PMEPA1: variants seen among roughly 807,000 people sequenced by gnomAD.
PMEPA1 encodes the protein protein TMEPAI.
In PMEPA1, 11 loss-of-function variants were observed where a neutral mutation model predicts 23.0. That is an observed-to-expected ratio of 0.48 (90% CI 0.30 to 0.79). The LOEUF (loss-of-function observed/expected upper bound fraction) is 0.79, where lower values mean the gene tolerates loss of function less well. Among genes scored for constraint, PMEPA1 ranks in the 30% least tolerant of loss-of-function variants. The probability of loss-of-function intolerance (pLI) is 0.06; values close to 1 mark genes in which losing one functional copy is unlikely to be tolerated. For missense variants in PMEPA1, 377 were observed against 390.9 expected, an observed-to-expected ratio of 0.96 and a Z score of 0.30; for synonymous variants, 204 against 166.4, an observed-to-expected ratio of 1.23 and a Z score of -1.74.
Position 57,704,646 on chromosome 20 carries a change from C to A in PMEPA1, c.109+4828G>T, listed in dbSNP as rs1441296912. 6.6e-6 allele frequency among the ~76,000 whole-genome samples: 1 copy of A among 152,238 alleles called. No homozygotes were observed. The highest frequency in any genetic ancestry group is 2.1e-4 in the South Asian group (1 of 4,832). ...GCTAACACCTGAAGAGAGAAGGCCA[C>A]ACCGATCCTCAGGTTTGGACCCTGC... is the stretch of plus-strand genomic sequence containing the variant. On this transcript the variant is annotated intron_variant, in intron 1 of 3. Transcript: ENST00000341744. This position sits in a 1 kb window ranked among gnomAD's most constrained non-coding sequence, Gnocchi z 4.6.
rs1466095672 is a variant in PMEPA1, at chr20:57,660,465, AAACACCCCAACACTCCTACACACAC to A, written c.110-793_110-769del. Reference sequence around the variant, plus strand: ...CGTACCCCTAACACTCCTACACACAAAACACCCCAACACTCCTACACACACAACACCCCAACACTCCTACACACAC... The same window carrying A: ...CGTACCCCTAACACTCCTACACACAAAACACCCCAACACTCCTACACACAC... On this transcript the variant is annotated intron_variant, in intron 1 of 3. Transcript: ENST00000341744. Among the ~76,000 whole-genome samples the A allele has an allele frequency of 2.5e-4, 31 of 123,704 alleles. No homozygotes were observed. The East Asian group carries it at 5.2e-3, about 21-fold the overall frequency. 81.2% of individuals were successfully genotyped at this position (123,704 alleles called of 152,430 possible). A position where few individuals can be genotyped will look rare whatever the true frequency, so the allele number is the denominator to read the frequency against.
At chr20:57,667,741 G>C (rs1316504416) in intron 1 of PMEPA1, among the ~76,000 whole-genome samples, 2 of 152,200 alleles carry the variant, frequency 1.3e-5, no homozygotes, top group African/African-American at 4.8e-5. Flanking sequence ...GCCTGGCGGG[G>C]CCTCATTGTC....
rs2071263731 is a variant in PMEPA1, at chr20:57,652,578, AGGCGGG to A, written c.333_338del (p.Pro112_Pro113del). 6.7e-7 allele frequency: 1 copy of A among 1,502,848 alleles called. No homozygotes were observed. The highest frequency in any genetic ancestry group is 8.9e-7 in the Non-Finnish European group (1 of 1,126,320). The allele number at this position is 1,502,848 out of a possible 1,614,324, so 93.1% of individuals were successfully genotyped here. Reference sequence around the variant, plus strand: ...GCACGGCCAGGCGGTCGGTGGGCCGAGGCGGGGCGTAGACCTGCGGCTGGAGGAAGC... The same window carrying A: ...GCACGGCCAGGCGGTCGGTGGGCCGAGCGTAGACCTGCGGCTGGAGGAAGC... On this transcript the variant is annotated inframe_deletion, in exon 4 of 4. Transcript: ENST00000341744. The surrounding 1 kb of genome is among the most constrained non-coding windows in gnomAD (Gnocchi z 6.1).
At chr20:57,671,783 A>G (rs2071571763) in intron 1 of PMEPA1, among the ~76,000 whole-genome samples, 1 of 152,206 alleles carries the variant, frequency 6.6e-6, no homozygotes, top group Non-Finnish European at 1.5e-5. Flanking sequence ...CAGGGTGTTC[A>G]GCAGCAACCT....
chr20:57,701,034 A>AAAAAG (rs1380698079), intron 1 of PMEPA1, among the ~76,000 whole-genome samples: 11 of 152,098 alleles, frequency 7.2e-5, no homozygotes, highest in Admixed American at 6.5e-4. Flanking sequence ...CATTTCAAAA[A>AAAAAG]AAAAGAAAAG....
intron 1 of PMEPA1, among the ~76,000 whole-genome samples, chr20:57,676,555 A>G (rs1324092465): frequency 2.0e-5 from 3 of 152,248 alleles, no homozygotes; most frequent in African/African-American, 7.2e-5. Context: ...GAAAAGAGGA[A>G]GAAAGAGAAA....
intron 2 of PMEPA1, among the ~76,000 whole-genome samples, chr20:57,654,737 CCATGTGCAGACAGT>C (rs1301022549): frequency 3.3e-5 from 5 of 152,174 alleles, no homozygotes; most frequent in Non-Finnish European, 7.3e-5. Flanking sequence ...ACCAGGGCCT[CCATGTGCAGACAGT>C]CCATCTGCAG....
In PMEPA1 at chr20:57,709,522, A is replaced by G; in HGVS notation, c.61T>C (p.Ser21Pro). ...GAGCGTTTGCAGTTGCACGTGCAGG[A>G]GACATTGGGCTGCCCGGCGGCGGCG... is the stretch of plus-strand genomic sequence containing the variant. Reference protein sequence around the residue: ...AAAAAGQPNVSCTCNCKRSLF... With the variant: ...AAAAAGQPNVPCTCNCKRSLF... Residue 21 changes from serine (S) to proline (P), a missense_variant, in exon 1 of 4, where the codon TCC becomes CCC. By Grantham distance (74) the Ser-to-Pro change is moderately conservative (BLOSUM62 -1). Coordinates refer to ENST00000341744, the MANE Select transcript of PMEPA1 (RefSeq NM_020182.5). 8.8e-7 allele frequency: 1 copy of G among 1,139,168 alleles called. No individual in the cohort carries two copies. Among genetic ancestry groups the G allele is most frequent in the Non-Finnish European group, 1.1e-6 (1 of 906,472 alleles). 70.6% of individuals were successfully genotyped at this position (1,139,168 alleles called of 1,614,324 possible). A position where few individuals can be genotyped will look rare whatever the true frequency, so the allele number is the denominator to read the frequency against.
intron 1 of PMEPA1, among the ~76,000 whole-genome samples, chr20:57,706,531 C>T (rs2072091115): frequency 6.6e-6 from 1 of 152,102 alleles, no homozygotes; most frequent in Non-Finnish European, 1.5e-5. Flanking sequence ...CAGCCTCATC[C>T]CTCGACTCTC....
chr20:57,697,348 T>C (rs1346311932), intron 1 of PMEPA1, among the ~76,000 whole-genome samples: 1 of 152,180 alleles, frequency 6.6e-6, no homozygotes, highest in Non-Finnish European at 1.5e-5. Context: ...GCAGCAAGGA[T>C]GGAGGGTGCA....
upstream of PMEPA1, chr20:57,710,723 G>T (rs896757018): frequency 8.6e-6 from 4 of 463,882 alleles, no homozygotes; most frequent in African/African-American, 2.0e-5. Flanking sequence ...TGGGGGGCGC[G>T]GCTGCGGAGT....
At chr20:57,660,515 C>T (rs1173812022) in intron 1 of PMEPA1, among the ~76,000 whole-genome samples, 1 of 140,132 alleles carries the variant, frequency 7.1e-6, no homozygotes, top group Non-Finnish European at 1.5e-5. Flanking sequence ...CCTACACACA[C>T]GTCAACAACG....
Position 57,665,366 on chromosome 20 carries a change from C to T in PMEPA1, c.110-5669G>A, listed in dbSNP as rs111582702. On this transcript the variant is annotated intron_variant, in intron 1 of 3. Transcript: ENST00000341744. ...ATTCTCCTGCTAAATTTTCCTAGCT[C>T]GCCCACGGCGTTAGTCCGCCCGCCC... Among the ~76,000 whole-genome samples, 141 of 152,248 alleles carry T rather than the reference C, an allele frequency of 9.3e-4. 1 individual carries two copies. The highest frequency in any genetic ancestry group is 3.2e-3 in the African/African-American group (134 of 41,526).
chr20:57,677,106 G>T (rs564627060), intron 1 of PMEPA1, among the ~76,000 whole-genome samples: 1 of 152,272 alleles, frequency 6.6e-6, no homozygotes, highest in African/African-American at 2.4e-5. Flanking sequence ...ACTTGCCCTG[G>T]GTCTGTCATC....
At chr20:57,666,119 A>G (rs2071489062) in intron 1 of PMEPA1, among the ~76,000 whole-genome samples, 1 of 152,006 alleles carries the variant, frequency 6.6e-6, no homozygotes, top group South Asian at 2.1e-4. Context: ...CAAACACAAA[A>G]TAAGGTCACT....
chr20:57,707,656 T>G (rs560981268), intron 1 of PMEPA1, among the ~76,000 whole-genome samples: 1 of 151,948 alleles, frequency 6.6e-6, no homozygotes, highest in Non-Finnish European at 1.5e-5. Context: ...TTTTTTTTTT[T>G]TTTTTTAAGT....
chr20:57,701,543 C>T (rs530793486), intron 1 of PMEPA1, among the ~76,000 whole-genome samples: 15 of 152,320 alleles, frequency 9.8e-5, no homozygotes, highest in Admixed American at 9.2e-4. Context: ...ACTTCTGTAC[C>T]TGCCCCTTAG....
chr20:57,707,645 CTT>C (rs10709084), intron 1 of PMEPA1, among the ~76,000 whole-genome samples: 190 of 136,960 alleles, frequency 1.4e-3, no homozygotes, highest in African/African-American at 2.0e-3. Context: ...AAGAACAATG[CTT>C]TTTTTTTTTT....
chr20:57,681,901 C>T (rs1042647218), intron 1 of PMEPA1, among the ~76,000 whole-genome samples: 1 of 152,212 alleles, frequency 6.6e-6, no homozygotes, highest in African/African-American at 2.4e-5. Context: ...CTGACTCCTT[C>T]TCATCCCTCA....
Sources: allele counts gnomAD v4.1 joint callset (sites outside exome capture counted in the v4.1 genomes callset), GRCh38; gene constraint gnomAD v4.1.1; non-coding constraint Gnocchi (gnomAD v3.1); transcripts MANE v1.5; gene names NCBI Gene and HGNC (gene_info 2026-07-23, HGNC 2026-07-21).